The following CHTF18 variants were observed in gnomAD, a reference collection of about 807,000 sequenced individuals.
CHTF18 encodes the protein chromosome transmission fidelity factor 18, also known as chromosome transmission fidelity protein 18 homolog.
In CHTF18, 151 loss-of-function variants were observed where a neutral mutation model predicts 113.4. The observed-to-expected ratio is 1.33, with a 90% CI of 1.17 to 1.52. The LOEUF (loss-of-function observed/expected upper bound fraction) is 1.52. Among genes scored for constraint, CHTF18 ranks in the 40% most tolerant of loss-of-function variants. The pLI is 0.00. For missense variants in CHTF18, 1,982 were observed against 1,381.6 expected (o/e 1.43, Z -6.89); for synonymous variants, 916 against 598.8 (o/e 1.53, Z -7.74).
rs372399848 is a variant in CHTF18, at chr16:790,260, C to T, written c.690C>T (p.Val230=). ...GVSLASLKKQ[V]DGERRERLLQ... ...CCTTAGCCTCCCTGAAGAAGCAGGT[C>T]GACGGCGAGGTAGGGGCTGCGGGTT... Residue 230 remains valine (V), a synonymous_variant, in exon 5 of 22, where the codon GTC becomes GTT. Transcript: ENST00000262315. The T allele has an allele frequency of 2.5e-5, 40 of 1,606,340 alleles. No individual in the cohort carries two copies. Among genetic ancestry groups the T allele is most frequent in the Middle Eastern group, 1.6e-4 (1 of 6,076 alleles).
chr16:792,808 G>T lies in CHTF18; in HGVS notation c.1569G>T (p.Gln523His). 6.5e-7 allele frequency: 1 copy of T among 1,540,426 alleles called. No homozygotes were observed. ...TLPSRLVQRL[Q>H]EVSLRQGMRA... Reference sequence around the variant, plus strand: ...CCTCGAGGCTGGTGCAGCGGCTCCAGGAGGTCGGTGGAGCCCCAGGAGCCG... The same window carrying T: ...CCTCGAGGCTGGTGCAGCGGCTCCATGAGGTCGGTGGAGCCCCAGGAGCCG... Residue 523 changes from glutamine (Q) to histidine (H), a missense_variant, in exon 12 of 22, where the codon CAG becomes CAT. By Grantham distance (24) the Gln-to-His change is conservative (BLOSUM62 0). Transcript: ENST00000262315.
chr16:792,596 T>G lies in CHTF18; in HGVS notation c.1478+6T>G. ...ATCTGCATTTGCAATGACCAGTGAG[T>G]GCATGGGCGGGCGCCACAGTCAGGA... On this transcript the variant is annotated splice_donor_region_variant and intron_variant, in intron 11 of 21. Transcript: ENST00000262315. The G allele has an allele frequency of 3.8e-6, 6 of 1,595,368 alleles. No individual in the cohort carries two copies. Among genetic ancestry groups the G allele is most frequent in the Non-Finnish European group, 5.1e-6 (6 of 1,172,918 alleles).
At chr16:791,040 G>T in intron 7 of CHTF18, 121 bp from the exon 8 acceptor site, 2 of 1,486,056 alleles carry the variant, frequency 1.3e-6, no homozygotes, top group South Asian at 1.3e-5. Context: ...GGAAGACGGG[G>T]GTGGCCATTC....
chr16:795,889 G>C, intron 17 of CHTF18, 55 bp downstream of exon 17: 2 of 1,602,232 alleles, frequency 1.2e-6, no homozygotes, highest in Non-Finnish European at 1.7e-6. Context: ...CCTGTCCTAG[G>C]TGAGCACACA....
At chr16:793,400 G>A in intron 14 of CHTF18, 126 bp downstream of exon 14, 2 of 1,269,758 alleles carry the variant, frequency 1.6e-6, no homozygotes, top group South Asian at 1.4e-5. Context: ...CGGTTGCCTG[G>A]TCCAGCCTCC....
intron 7 of CHTF18, 41 bp from the exon 8 acceptor site, chr16:791,120 G>T: frequency 6.3e-7 from 1 of 1,575,144 alleles, no homozygotes. Context: ...GCCTGGAGGC[G>T]GTGCCCTCAG....
At position 790,415 on chromosome 16, in the gene CHTF18, C is replaced by G; in HGVS notation, c.752+16C>G. 1 of 1,612,322 alleles carries G rather than the reference C, an allele frequency of 6.2e-7. No individual in the cohort carries two copies. Among genetic ancestry groups the G allele is most frequent in the Non-Finnish European group, 8.5e-7 (1 of 1,179,752 alleles). ...CCCTGCACAGGTGACTTGGTTGGCC[C>G]TTCCGCCCTGGGGACCCTTGTTGGC... On this transcript the variant is annotated intron_variant, in intron 6 of 21. Transcript: ENST00000262315.
At chr16:794,713 G>A (rs1220177335) in intron 15 of CHTF18, 1 of 236,742 alleles carries the variant, frequency 4.2e-6, no homozygotes, top group Non-Finnish European at 8.3e-6. Flanking sequence ...GTGGAGCAGC[G>A]GCGGGGATAG....
At chr16:794,880 A>G (rs1260020647) in intron 15 of CHTF18, 5 of 512,656 alleles carry the variant, frequency 9.8e-6, no homozygotes, top group Non-Finnish European at 1.7e-5. Context: ...CTGTCAAGTC[A>G]GTCTCTGTCA....
intron 20 of CHTF18, 49 bp from the exon 21 acceptor site, chr16:797,645 T>C (rs1184944179): frequency 1.3e-6 from 2 of 1,596,662 alleles, no homozygotes; most frequent in East Asian, 2.2e-5. Flanking sequence ...GGGTAGGGGC[T>C]GGATGGGGCA....
rs118113142 is a variant in CHTF18 at position 795,742 on chromosome 16, G to A, written c.2233G>A (p.Ala745Thr). 17,585 of 1,607,596 alleles carry A rather than the reference G, an allele frequency of 0.011. 1,105 individuals are homozygous for A. The South Asian group carries it at 0.13, about 12-fold the overall frequency. Residue 745 changes from alanine (A) to threonine (T), a missense_variant, in exon 17 of 22, where the codon GCG becomes ACG. Ala to Thr is a moderately conservative substitution (Grantham distance 58). Coordinates refer to ENST00000262315, the MANE Select transcript of CHTF18 (RefSeq NM_022092.3). Reference sequence around the variant, plus strand: ...GATCCAGACGCTGGTGTCCGGCATCGCGCCAGCCACGCGCAGCCGGGCCAC... The same window carrying A: ...GATCCAGACGCTGGTGTCCGGCATCACGCCAGCCACGCGCAGCCGGGCCAC... ...NLIQTLVSGI[A>T]PATRSRATPQ...
In CHTF18 at chr16:788,737, A is replaced by T; in HGVS notation, c.53A>T (p.Gln18Leu). The T allele has an allele frequency of 6.2e-7, 1 of 1,602,980 alleles. No individual in the cohort carries two copies. Among genetic ancestry groups the T allele is most frequent in the Non-Finnish European group, 8.5e-7 (1 of 1,175,900 alleles). ...GGCGTCGAGGATGATTTCCACAACC[A>T]GTTCGCGGCCGAGCTGGAGGTGCTG... ...LCGVEDDFHNQFAAELEVLAE... is the reference protein window; with the variant it reads ...LCGVEDDFHNLFAAELEVLAE... The change falls in exon 1 of 22, where the codon CAG (glutamine) becomes CTG (leucine). Residue 18 changes from glutamine to leucine, a missense_variant. Physicochemically the swap from Gln to Leu is moderately radical, Grantham distance 113 (BLOSUM62 -2). Transcript: ENST00000262315.
chr16:794,542 G>A lies in CHTF18; in HGVS notation c.1950+341G>A, dbSNP rs113373983. Reference sequence around the variant, plus strand: ...GCGAGGGGCTGGATTCTGGACTTAAGATGCACATGGGGTGGAGAGCAGTGC... The same window carrying A: ...GCGAGGGGCTGGATTCTGGACTTAAAATGCACATGGGGTGGAGAGCAGTGC... On this transcript the variant is annotated intron_variant, in intron 15 of 21. Transcript: ENST00000262315. 8.5e-3 allele frequency among the ~76,000 whole-genome samples: 1,294 copies of A among 152,292 alleles called. 21 individuals are homozygous for A. Among genetic ancestry groups the A allele is most frequent in the African/African-American group, 0.03 (1,226 of 41,548 alleles).
At chr16:789,185 G>C (rs766200790) in intron 2 of CHTF18, 25 bp from the exon 3 acceptor site, 10 of 1,550,238 alleles carry the variant, frequency 6.5e-6, no homozygotes, top group African/African-American at 2.7e-5. Flanking sequence ...GGAGGCCTCT[G>C]GTTCCCTGCA....
chr16:792,980 G>A lies in CHTF18; in HGVS notation c.1587G>A (p.Gln529=), dbSNP rs763522456. 3.2e-6 allele frequency: 5 copies of A among 1,559,898 alleles called. No homozygotes were observed. Among genetic ancestry groups the A allele is most frequent in the South Asian group, 2.4e-5 (2 of 84,572 alleles). The change falls in exon 13 of 22, where the codon CAG becomes CAA. Residue 529 remains glutamine, a synonymous_variant. Transcript: ENST00000262315. ...TTCTCCACCAGGTCTCCCTGCGGCA[G>A]GGCATGAGGGCCGACCCAGGGGTGC... ...VQRLQEVSLR[Q]GMRADPGVLA... is the part of the protein sequence containing the mutation.
chr16:791,620 G>C, intron 8 of CHTF18: 1 of 1,430,386 alleles, frequency 7.0e-7, no homozygotes, highest in Non-Finnish European at 9.1e-7. Flanking sequence ...CTGGGGGCCA[G>C]TCACACTGGT....
intron 14 of CHTF18, chr16:793,607 T>C (rs2042260550): frequency 3.7e-6 from 2 of 534,432 alleles, no homozygotes; most frequent in South Asian, 4.0e-5. Context: ...TGGCCTGGGC[T>C]GTGGTCTCTG....
rs746704649 is a variant in CHTF18 at position 793,042 on chromosome 16, G to A, written c.1649G>A (p.Arg550Gln). The change falls in exon 13 of 22, where the codon CGG becomes CAG. Residue 550 changes from arginine to glutamine, a missense_variant. Physicochemically the swap from Arg to Gln is conservative, Grantham distance 43. Transcript: ENST00000262315. ...TGTGAGAAAACTGACAATGACATCC[G>A]GGCCTGCATCAACACCCTGCAGGTG... is the stretch of plus-strand genomic sequence containing the variant. ...ALCEKTDNDI[R>Q]ACINTLQFLY... is the part of the protein sequence containing the mutation. The A allele has an allele frequency of 4.5e-6, 7 of 1,562,470 alleles. No homozygotes were observed. The highest frequency in any genetic ancestry group is 6.1e-6 in the Non-Finnish European group (7 of 1,154,030).
Position 790,206 on chromosome 16 carries a change from C to G in CHTF18, c.636C>G (p.Gly212=), listed in dbSNP as rs767596492. The G allele has an allele frequency of 2.4e-5, 38 of 1,604,080 alleles. No homozygotes were observed. Among genetic ancestry groups the G allele is most frequent in the Non-Finnish European group, 3.1e-5 (37 of 1,176,298 alleles). The change falls in exon 5 of 22, where the codon GGC becomes GGG. Residue 212 remains glycine (G), a synonymous_variant. Coordinates refer to ENST00000262315, the MANE Select transcript of CHTF18 (RefSeq NM_022092.3). ...CTCTCCTCCACGTCCCATGGCGAGGCGGTGGCCAGCTGGACCTGCTGGGTG... is the reference window on the plus strand; with the variant it reads ...CTCTCCTCCACGTCCCATGGCGAGGGGGTGGCCAGCTGGACCTGCTGGGTG... ...QGSLLHVPWR[G]GGQLDLLGVS...
Sources: gnomAD v4.1 joint callset for allele counts (sites outside exome capture counted in the v4.1 genomes callset) on GRCh38, gnomAD v4.1.1 for gene constraint, MANE v1.5 for transcripts, NCBI Gene and HGNC (gene_info 2026-07-23, HGNC 2026-07-21) for gene names.